The following HEMK2 variants were observed in gnomAD, a reference collection of about 807,000 sequenced individuals.
HEMK2 encodes HemK methyltransferase 2, ETF1 glutamine and histone H4 lysine, also known as methyltransferase HEMK2.
the HEMK2 span, among the ~76,000 whole-genome samples, chr21:28,831,574 A>AGAAAGAAGGAAAGAAGGAAAGAAG: frequency 4.9e-5 from 2 of 40,874 alleles, no homozygotes; most frequent in Non-Finnish European, 8.3e-5. Context: ...AAGGAAAGAA[A>AGAAAGAAGGAAAGAAGGAAAGAAG]GAAAGAAGGA....
At chr21:28,736,634 G>A in the HEMK2 span, among the ~76,000 whole-genome samples, 6 of 152,182 alleles carry the variant, frequency 3.9e-5, no homozygotes, top group South Asian at 6.2e-4. Flanking sequence ...GCATGGTGGC[G>A]CATGCCTGTA....
the HEMK2 span, among the ~76,000 whole-genome samples, chr21:28,747,209 G>A: frequency 1.3e-5 from 2 of 152,196 alleles, no homozygotes. Flanking sequence ...TATGACCTGG[G>A]AGGAGAAAGT....
the HEMK2 span, among the ~76,000 whole-genome samples, chr21:28,586,449 G>A: frequency 0.71 from 107,519 of 151,956 alleles, 38,747 homozygotes; most frequent in South Asian, 0.78. Flanking sequence ...GTCTTCCAAA[G>A]ATAGTATAAG....
chr21:28,743,878 T>C, the HEMK2 span, among the ~76,000 whole-genome samples: 1 of 152,146 alleles, frequency 6.6e-6, no homozygotes, highest in Non-Finnish European at 1.5e-5. Context: ...AAAATAGCCA[T>C]GGGACATATA....
At chr21:28,614,758 G>C in the HEMK2 span, among the ~76,000 whole-genome samples, 1 of 152,200 alleles carries the variant, frequency 6.6e-6, no homozygotes. Flanking sequence ...ACCGGAAGTA[G>C]CACAAACGCC....
At chr21:28,625,958 C>T in the HEMK2 span, among the ~76,000 whole-genome samples, 2 of 152,028 alleles carry the variant, frequency 1.3e-5, no homozygotes, top group Admixed American at 1.3e-4. Flanking sequence ...AATTTGTCAG[C>T]ATCAATCTGC....
At chr21:28,850,879 G>A in the HEMK2 span, among the ~76,000 whole-genome samples, 1 of 152,192 alleles carries the variant, frequency 6.6e-6, no homozygotes, top group Non-Finnish European at 1.5e-5. Flanking sequence ...AGCTATCAGT[G>A]CAGGCTGGGG....
At chr21:28,677,590 G>C in the HEMK2 span, among the ~76,000 whole-genome samples, 1 of 152,228 alleles carries the variant, frequency 6.6e-6, no homozygotes, top group Non-Finnish European at 1.5e-5. Context: ...AGAACGGACA[G>C]ACTGCCTCCT....
the HEMK2 span, among the ~76,000 whole-genome samples, chr21:28,742,067 G>A: frequency 6.6e-6 from 1 of 152,068 alleles, no homozygotes; most frequent in Non-Finnish European, 1.5e-5. Context: ...TCTGCCACCT[G>A]TTTTTGTAAA....
the HEMK2 span, among the ~76,000 whole-genome samples, chr21:28,804,947 G>T: frequency 6.6e-6 from 1 of 152,176 alleles, no homozygotes; most frequent in African/African-American, 2.4e-5. Context: ...ACAGAAACCT[G>T]GGTTGTCATT....
At chr21:28,860,346 G>T in the HEMK2 span, among the ~76,000 whole-genome samples, 1 of 151,998 alleles carries the variant, frequency 6.6e-6, no homozygotes, top group African/African-American at 2.4e-5. Context: ...ACGTTCTTCA[G>T]TTTTGGAACT....
the HEMK2 span, among the ~76,000 whole-genome samples, chr21:28,643,605 G>A: frequency 6.6e-6 from 1 of 152,132 alleles, no homozygotes; most frequent in Non-Finnish European, 1.5e-5. Context: ...TTGAGCCTAG[G>A]AGTTCAAGGC....
At chr21:28,743,765 G>T in the HEMK2 span, among the ~76,000 whole-genome samples, 1 of 152,164 alleles carries the variant, frequency 6.6e-6, no homozygotes, top group Non-Finnish European at 1.5e-5. Flanking sequence ...AGGCATTAAG[G>T]CCATTCATCT....
At chr21:28,607,265 G>T in the HEMK2 span, among the ~76,000 whole-genome samples, 1 of 151,972 alleles carries the variant, frequency 6.6e-6, no homozygotes, top group Admixed American at 6.6e-5. Flanking sequence ...CAAAAAATTA[G>T]CCAGGCATGG....
chr21:28,617,825 G>A, the HEMK2 span, among the ~76,000 whole-genome samples: 4 of 146,858 alleles, frequency 2.7e-5, no homozygotes, highest in African/African-American at 5.1e-5. Context: ...TCTCATTCCC[G>A]TCACCCAGGC....
At chr21:28,627,173 T>C in the HEMK2 span, among the ~76,000 whole-genome samples, 1 of 152,132 alleles carries the variant, frequency 6.6e-6, no homozygotes, top group South Asian at 2.1e-4. Flanking sequence ...ATATATGAGA[T>C]TCTAGAACAG....
chr21:28,745,534 G>A, the HEMK2 span, among the ~76,000 whole-genome samples: 6 of 152,116 alleles, frequency 3.9e-5, no homozygotes, highest in African/African-American at 1.4e-4. Context: ...AGAAGTCCTC[G>A]GAACCAAGAA....
At chr21:28,620,671 T>TTTTTTTTTTTTTTTG in the HEMK2 span, among the ~76,000 whole-genome samples, 1 of 85,838 alleles carries the variant, frequency 1.2e-5, no homozygotes, top group African/African-American at 6.1e-5. Flanking sequence ...TTTTTTTTTT[T>TTTTTTTTTTTTTTTG]TTTTTTTTTT....
the HEMK2 span, among the ~76,000 whole-genome samples, chr21:28,713,331 A>T: frequency 2.6e-5 from 4 of 152,110 alleles, no homozygotes; most frequent in Non-Finnish European, 4.4e-5. Flanking sequence ...CCACTCTATT[A>T]ACAGCACAGA....
Sources: gnomAD v4.1 joint callset for allele counts (sites outside exome capture counted in the v4.1 genomes callset) on GRCh38, gnomAD v4.1.1 for gene constraint, MANE v1.5 for transcripts, NCBI Gene and HGNC (gene_info 2026-07-23, HGNC 2026-07-21) for gene names.